SLC44A5: variants seen among roughly 807,000 people sequenced by gnomAD.
The protein encoded by SLC44A5 is choline transporter-like protein 5.
Under a neutral mutation model 101.8 loss-of-function variants are expected in SLC44A5, and 57 were observed. The observed-to-expected ratio is 0.56, with a 90% CI of 0.45 to 0.70. SLC44A5 has a LOEUF of 0.70. Ranked by LOEUF, SLC44A5 falls within the 30% of genes least tolerant of loss-of-function variation. The pLI is 0.00. For synonymous variants in SLC44A5, 281 were observed against 290.9 expected (o/e 0.97, Z 0.35); for missense variants, 737 against 853.1 (o/e 0.86, Z 1.70).
chr1:75,285,018 G>A (rs189433636), intron 5 of SLC44A5, among the ~76,000 whole-genome samples: 20 of 152,128 alleles, frequency 1.3e-4, no homozygotes, highest in Admixed American at 7.2e-4. Flanking sequence ...GGTGATACTG[G>A]CTTCATAAAA....
At chr1:75,466,782 C>T (rs1666846652) in intron 2 of SLC44A5, among the ~76,000 whole-genome samples, 1 of 151,460 alleles carries the variant, frequency 6.6e-6, no homozygotes, top group Non-Finnish European at 1.5e-5. Flanking sequence ...AGATCTGGAA[C>T]ATGCCAAGGA....
At chr1:75,376,646 A>C (rs897725040) in intron 3 of SLC44A5, among the ~76,000 whole-genome samples, 18 of 151,130 alleles carry the variant, frequency 1.2e-4, no homozygotes, top group African/African-American at 4.1e-4. Context: ...AAACTAACAA[A>C]CAGAAAGGAC....
chr1:75,687,314 CT>C, the SLC44A5 span, among the ~76,000 whole-genome samples: 1 of 152,070 alleles, frequency 6.6e-6, no homozygotes, highest in Admixed American at 6.5e-5. Flanking sequence ...TTCCAGAAAT[CT>C]TTTTTTCATA....
chr1:75,566,230 A>C (rs1227194317), intron 1 of SLC44A5, among the ~76,000 whole-genome samples: 1 of 152,230 alleles, frequency 6.6e-6, no homozygotes, highest in Non-Finnish European at 1.5e-5. Context: ...CTAGCTATTT[A>C]TGATAAAAAT....
intron 2 of SLC44A5, among the ~76,000 whole-genome samples, chr1:75,513,465 C>T (rs1006136885): frequency 5.9e-5 from 9 of 152,132 alleles, no homozygotes; most frequent in Non-Finnish European, 1.0e-4. Flanking sequence ...GAATAAACTG[C>T]CCTATAACAT....
chr1:75,386,016 T>A (rs566290292), intron 3 of SLC44A5, among the ~76,000 whole-genome samples: 65 of 152,282 alleles, frequency 4.3e-4, no homozygotes, highest in African/African-American at 1.4e-3. Flanking sequence ...CAACCCCTCA[T>A]GCTAAAAACT....
At chr1:75,225,597 G>A (rs898697831) in intron 13 of SLC44A5, among the ~76,000 whole-genome samples, 3 of 152,086 alleles carry the variant, frequency 2.0e-5, no homozygotes, top group Non-Finnish European at 2.9e-5. Context: ...AACCATCTCC[G>A]AACACAAAAT....
chr1:75,401,725 A>G (rs1388106706), intron 2 of SLC44A5, among the ~76,000 whole-genome samples: 1 of 152,148 alleles, frequency 6.6e-6, no homozygotes, highest in Non-Finnish European at 1.5e-5. Context: ...CCTTGTAAAC[A>G]TATATACTGC....
intron 4 of SLC44A5, among the ~76,000 whole-genome samples, chr1:75,305,630 C>T (rs1361764664): frequency 6.6e-6 from 1 of 152,226 alleles, no homozygotes; most frequent in Non-Finnish European, 1.5e-5. Flanking sequence ...CTTGGGCACA[C>T]TCAGAGCTCT....
chr1:75,543,951 G>A (rs188272087), intron 1 of SLC44A5, among the ~76,000 whole-genome samples: 1 of 152,040 alleles, frequency 6.6e-6, no homozygotes, highest in Non-Finnish European at 1.5e-5. Flanking sequence ...GCTCAGGCAG[G>A]TGATTAATAA....
At chr1:75,267,540 ATTTATT>A (rs1157592390) in intron 6 of SLC44A5, among the ~76,000 whole-genome samples, 1 of 151,872 alleles carries the variant, frequency 6.6e-6, no homozygotes, top group South Asian at 2.1e-4. Flanking sequence ...CTGCCATTAT[ATTTATT>A]TTTATTTTTA....
chr1:75,265,813 T>C (rs552724742), intron 6 of SLC44A5, among the ~76,000 whole-genome samples: 95 of 152,318 alleles, frequency 6.2e-4, no homozygotes, highest in South Asian at 3.7e-3. Context: ...GTAATGGTGC[T>C]ACATCAGACA....
At chr1:75,356,573 G>A (rs886149903) in intron 3 of SLC44A5, among the ~76,000 whole-genome samples, 6 of 151,846 alleles carry the variant, frequency 4.0e-5, no homozygotes, top group Non-Finnish European at 8.8e-5. Context: ...AGAAAGTTAA[G>A]GTTAATTTAT....
chr1:75,248,497 C>A (rs1357325536), intron 7 of SLC44A5, among the ~76,000 whole-genome samples: 1 of 151,982 alleles, frequency 6.6e-6, no homozygotes, highest in African/African-American at 2.4e-5. Flanking sequence ...GATAGGCAGG[C>A]AAACGGATGT....
chr1:75,421,133 C>G (rs1299154521), intron 2 of SLC44A5, among the ~76,000 whole-genome samples: 1 of 151,838 alleles, frequency 6.6e-6, no homozygotes, highest in African/African-American at 2.4e-5. Context: ...CAAAGCACAA[C>G]AATTATTTAC....
chr1:75,495,042 C>T (rs1035754682), intron 2 of SLC44A5, among the ~76,000 whole-genome samples: 12 of 152,094 alleles, frequency 7.9e-5, no homozygotes, highest in Admixed American at 5.9e-4. Context: ...AGATGGCTGT[C>T]TTACCTAATG....
At chr1:75,564,754 G>A (rs987013264) in intron 1 of SLC44A5, among the ~76,000 whole-genome samples, 5 of 151,962 alleles carry the variant, frequency 3.3e-5, no homozygotes, top group Admixed American at 2.6e-4. Flanking sequence ...CAAGTAGCTG[G>A]GACTACAGGT....
chr1:75,255,982 T>C (rs958126260), intron 6 of SLC44A5, among the ~76,000 whole-genome samples: 12 of 152,260 alleles, frequency 7.9e-5, no homozygotes, highest in Admixed American at 7.8e-4. Flanking sequence ...CAAGTTTACT[T>C]CTTATGCTTT....
chr1:75,355,757 C>T (rs903694473), intron 3 of SLC44A5, among the ~76,000 whole-genome samples: 9 of 152,132 alleles, frequency 5.9e-5, no homozygotes, highest in African/African-American at 1.9e-4. Flanking sequence ...CAATACTATG[C>T]TGTCAGTTGT....
Sources: allele counts gnomAD v4.1 joint callset (sites outside exome capture counted in the v4.1 genomes callset), GRCh38; gene constraint gnomAD v4.1.1; transcripts MANE v1.5; gene names NCBI Gene and HGNC (gene_info 2026-07-23, HGNC 2026-07-21).